TYW1: variants seen among roughly 807,000 people sequenced by gnomAD.
The protein encoded by TYW1 is tRNA-yW synthesizing protein 1 homolog, also known as S-adenosyl-L-methionine-dependent tRNA 4-demethylwyosine synthase TYW1.
Under a neutral mutation model 96.2 loss-of-function variants are expected in TYW1, and 46 were observed. The ratio of observed to expected loss-of-function variants is 0.48; its 90% CI spans 0.38 to 0.61. TYW1 has a LOEUF of 0.61. Among genes scored for constraint, TYW1 ranks in the 20% least tolerant of loss-of-function variants. TYW1 has a pLI of 0.00. For missense variants in TYW1, 684 were observed against 909.6 expected, an observed-to-expected ratio of 0.75 and a Z score of 3.19; for synonymous variants, 274 against 323.0, an observed-to-expected ratio of 0.85 and a Z score of 1.63.
chr7:67,011,530 A>G (rs1793795284), intron 4 of TYW1, among the ~76,000 whole-genome samples: 2 of 152,212 alleles, frequency 1.3e-5, no homozygotes, highest in South Asian at 2.1e-4. Flanking sequence ...GCCTAGCTGC[A>G]TCGTAGAGCT....
chr7:67,222,866 CTTTTTTT>C (rs570972265), intron 15 of TYW1, among the ~76,000 whole-genome samples: 14 of 109,630 alleles, frequency 1.3e-4, no homozygotes, highest in African/African-American at 4.0e-4. Flanking sequence ...CGCTTTTTTT[CTTTTTTT>C]TTTTTTTTTT....
At chr7:67,091,068 A>G (rs1331122206) in intron 11 of TYW1, among the ~76,000 whole-genome samples, 4 of 152,212 alleles carry the variant, frequency 2.6e-5, no homozygotes, top group African/African-American at 9.6e-5. Context: ...TACTGGGTGT[A>G]TACCCAAAGG....
chr7:67,217,083 T>G (rs535542325), intron 15 of TYW1, among the ~76,000 whole-genome samples: 1 of 151,098 alleles, frequency 6.6e-6, no homozygotes, highest in East Asian at 1.9e-4. Flanking sequence ...ATTGTCCATT[T>G]CTATATCTTC....
chr7:67,164,677 C>T (rs571083047), intron 13 of TYW1, among the ~76,000 whole-genome samples: 6 of 138,024 alleles, frequency 4.3e-5, no homozygotes, highest in South Asian at 4.7e-4. Flanking sequence ...TCAATGGGAA[C>T]GAGGTACAAA....
intron 12 of TYW1, among the ~76,000 whole-genome samples, chr7:67,113,502 G>C (rs1584577427): frequency 2.0e-5 from 3 of 152,344 alleles, no homozygotes; most frequent in Admixed American, 2.0e-4. Flanking sequence ...TGTAACCGCT[G>C]TGACTTGAAC....
intron 14 of TYW1, among the ~76,000 whole-genome samples, chr7:67,190,779 G>GA (rs34425518): frequency 0.064 from 9,713 of 152,150 alleles, 419 homozygotes; most frequent in South Asian, 0.11. Flanking sequence ...ATATTATGGG[G>GA]AAAAAATGTC....
At chr7:67,143,503 T>C (rs1798513259) in intron 13 of TYW1, among the ~76,000 whole-genome samples, 1 of 152,214 alleles carries the variant, frequency 6.6e-6, no homozygotes. Flanking sequence ...AGCTGCTCTG[T>C]GTTCCTTAAG....
At chr7:67,057,032 T>C (rs1278775049) in intron 9 of TYW1, among the ~76,000 whole-genome samples, 1 of 151,514 alleles carries the variant, frequency 6.6e-6, no homozygotes, top group Non-Finnish European at 1.5e-5. Flanking sequence ...TTTTTTTTTT[T>C]TGAGATGGAG....
intron 13 of TYW1, among the ~76,000 whole-genome samples, chr7:67,124,095 G>A (rs1797844368): frequency 6.6e-6 from 1 of 152,146 alleles, no homozygotes. Context: ...TTAGAACATA[G>A]ATATTGAAGA....
chr7:67,059,102 T>G lies in TYW1; in HGVS notation c.1155+3215T>G, dbSNP rs567529035. Among the ~76,000 whole-genome samples the G allele has an allele frequency of 5.4e-3, 807 of 149,568 alleles. 5 individuals are homozygous for G. The highest frequency in any genetic ancestry group is 0.011 in the Admixed American group (171 of 14,998). On this transcript the variant is annotated intron_variant, in intron 9 of 15. Transcript: ENST00000359626. ...ATAAGTCAATGAAGACAAAGTTTTT[T>G]TTTTTTTTTTTTTTTGAGACAGGGT... is the stretch of plus-strand genomic sequence containing the variant.
chr7:67,222,703 G>A (rs1288223848), intron 15 of TYW1, among the ~76,000 whole-genome samples: 1 of 151,500 alleles, frequency 6.6e-6, no homozygotes, highest in African/African-American at 2.4e-5. Flanking sequence ...CTTCTTCAAT[G>A]TTTATATTTA....
chr7:67,137,599 A>G (rs1481593099), intron 13 of TYW1, among the ~76,000 whole-genome samples: 1 of 152,218 alleles, frequency 6.6e-6, no homozygotes, highest in African/African-American at 2.4e-5. Flanking sequence ...TTGGAGTGGA[A>G]TGATTCAACA....
chr7:67,155,559 CT>C (rs143551965), intron 13 of TYW1, among the ~76,000 whole-genome samples: 37,720 of 145,564 alleles, frequency 0.26, 5,023 homozygotes, highest in African/African-American at 0.37. Context: ...TTTAGGTATT[CT>C]TTTTTTTTTT....
chr7:67,092,561 A>G (rs1270231937), intron 11 of TYW1, among the ~76,000 whole-genome samples: 2 of 151,824 alleles, frequency 1.3e-5, no homozygotes, highest in African/African-American at 2.4e-5. Context: ...CCTTTTCAGC[A>G]AGACTTATCC....
rs141637469 is a variant in TYW1, at chr7:67,171,478, G to A, written c.1699-11648G>A. 2.5e-3 allele frequency among the ~76,000 whole-genome samples: 375 copies of A among 152,024 alleles called. 1 individual carries two copies. The highest frequency in any genetic ancestry group is 8.6e-3 in the African/African-American group (355 of 41,478). On this transcript the variant is annotated intron_variant, in intron 13 of 15. Transcript: ENST00000359626. ...GGAGGAGAGTTAAGTTAATCATGTC[G>A]TTCATGTGTTCTGTGCTTTTACTCC...
chr7:67,171,337 G>A (rs73700361), intron 13 of TYW1, among the ~76,000 whole-genome samples: 8,607 of 151,940 alleles, frequency 0.057, 507 homozygotes, highest in East Asian at 0.16. Context: ...ACATACTTTT[G>A]GTTTCTTTGT....
chr7:67,017,287 T>C (rs1794058379), intron 5 of TYW1, among the ~76,000 whole-genome samples: 1 of 152,060 alleles, frequency 6.6e-6, no homozygotes, highest in South Asian at 2.1e-4. Context: ...CTGGCGTAGA[T>C]ACGTAAATAT....
intron 11 of TYW1, among the ~76,000 whole-genome samples, chr7:67,086,462 G>A (rs1796551619): frequency 6.6e-6 from 1 of 152,130 alleles, no homozygotes. Flanking sequence ...ATGTGTGTGA[G>A]GGGAGAGAGA....
chr7:67,055,563 C>T (rs1584507565), intron 8 of TYW1, among the ~76,000 whole-genome samples: 1 of 150,090 alleles, frequency 6.7e-6, no homozygotes, highest in East Asian at 1.9e-4. Flanking sequence ...CACAACACTG[C>T]ACTCCTGCCT....
Sources: gnomAD v4.1 joint callset for allele counts (sites outside exome capture counted in the v4.1 genomes callset) on GRCh38, gnomAD v4.1.1 for gene constraint, MANE v1.5 for transcripts, NCBI Gene and HGNC (gene_info 2026-07-23, HGNC 2026-07-21) for gene names.